RNF24: variants seen among roughly 807,000 people sequenced by gnomAD.
The protein encoded by RNF24 is ring finger protein 24.
RNF24 carries 14 observed loss-of-function variants against 20.0 expected under a neutral mutation model. The observed-to-expected ratio is 0.70, with a 90% CI of 0.46 to 1.10. The LOEUF (loss-of-function observed/expected upper bound fraction) is 1.10. RNF24 is among the 50% of genes least tolerant of loss of function. RNF24 has a pLI of 0.00. For missense variants in RNF24, 124 were observed against 177.6 expected, an observed-to-expected ratio of 0.70 and a Z score of 1.71; for synonymous variants, 45 against 61.1, an observed-to-expected ratio of 0.74 and a Z score of 1.23.
chr20:3,951,175 T>G (rs907444307), intron 2 of RNF24, among the ~76,000 whole-genome samples: 12 of 152,206 alleles, frequency 7.9e-5, no homozygotes, highest in Non-Finnish European at 1.3e-4. Flanking sequence ...GCCAGGATGG[T>G]CTCAATCTCC....
intron 1 of RNF24, among the ~76,000 whole-genome samples, chr20:3,977,826 T>C (rs1979008179): frequency 7.1e-6 from 1 of 139,976 alleles, no homozygotes; most frequent in Non-Finnish European, 1.5e-5. Context: ...ATTGCGCCAC[T>C]GCACTCCAGC....
At chr20:3,943,301 ATTTT>A (rs562360151) in intron 4 of RNF24, among the ~76,000 whole-genome samples, 1 of 145,596 alleles carries the variant, frequency 6.9e-6, no homozygotes. Context: ...TCCCAGCAGG[ATTTT>A]TTTTTTTTTT....
At position 3,943,796 on chromosome 20, in the gene RNF24, G is replaced by GT. The variant is rs537660670; in HGVS notation, c.228+1380dup. On this transcript the variant is annotated intron_variant, in intron 4 of 5. Transcript: ENST00000358395. ...AAGACTTCTGTTCTGGATTAATCTG[G>GT]TAAAAATTTAATCTTTTCATTTACG... Among the ~76,000 whole-genome samples the GT allele has an allele frequency of 3.9e-5, 6 of 152,220 alleles. No individual in the cohort carries two copies. The South Asian group carries it at 1.2e-3, about 32-fold the overall frequency.
intron 4 of RNF24, among the ~76,000 whole-genome samples, chr20:3,941,114 G>A (rs992645051): frequency 1.3e-5 from 2 of 152,046 alleles, no homozygotes; most frequent in African/African-American, 4.8e-5. Context: ...CTGTAGCGTC[G>A]ACCTCCCAGG....
chr20:3,995,933 G>T (rs1980828338), intron 1 of RNF24, among the ~76,000 whole-genome samples: 1 of 151,922 alleles, frequency 6.6e-6, no homozygotes, highest in Admixed American at 6.6e-5. Context: ...AGCCCTGAAA[G>T]CTCTCTTTCC....
At chr20:3,980,482 A>G (rs1385180591) in intron 1 of RNF24, among the ~76,000 whole-genome samples, 1 of 152,194 alleles carries the variant, frequency 6.6e-6, no homozygotes, top group African/African-American at 2.4e-5. Flanking sequence ...ATTTCATTAC[A>G]CTACTCAGAA....
At chr20:4,005,945 A>C (rs1478192837) in intron 1 of RNF24, among the ~76,000 whole-genome samples, 1 of 152,236 alleles carries the variant, frequency 6.6e-6, no homozygotes, top group African/African-American at 2.4e-5. Context: ...GCTGTCAATT[A>C]AACAATTATG....
rs573279617 is a variant in RNF24, at chr20:3,972,660, GA to G, written c.-7-8637del. On this transcript the variant is annotated intron_variant, in intron 1 of 5. Transcript: ENST00000358395. ...TAACGCTTATAATCCCAGCACTGTG[GA>G]GGGCCGAGGCGGGCAGATCACCTGA... Among the ~76,000 whole-genome samples, 510 of 152,268 alleles carry G rather than the reference GA, an allele frequency of 3.3e-3. 3 individuals are homozygous for G. Among genetic ancestry groups the G allele is most frequent in the African/African-American group, 0.011 (465 of 41,556 alleles).
Position 3,982,103 on chromosome 20 carries a change from G to GTCTCTCTCTCTCTCTCTCTCTCTC in RNF24, c.-7-18103_-7-18080dup, listed in dbSNP as rs34868373. On this transcript the variant is annotated intron_variant, in intron 1 of 5. Transcript: ENST00000358395. ...AGCCTGGGCAACAGGGTGAGACCTC[G>GTCTCTCTCTCTCTCTCTCTCTCTC]TCTCTCTCTCTCTCTCTCTCTCTCT... is the stretch of plus-strand genomic sequence containing the variant. Among the ~76,000 whole-genome samples the GTCTCTCTCTCTCTCTCTCTCTCTC allele has an allele frequency of 3.2e-3, 432 of 137,084 alleles. 7 individuals are homozygous for GTCTCTCTCTCTCTCTCTCTCTCTC. Among genetic ancestry groups the GTCTCTCTCTCTCTCTCTCTCTCTC allele is most frequent in the Admixed American group, 7.7e-3 (105 of 13,690 alleles). The allele number at this position is 137,084 out of a possible 152,430, so 89.9% of individuals were successfully genotyped here.
At chr20:3,947,404 A>G (rs2091031891) in intron 3 of RNF24, among the ~76,000 whole-genome samples, 1 of 152,238 alleles carries the variant, frequency 6.6e-6, no homozygotes, top group African/African-American at 2.4e-5. Flanking sequence ...GGCCTTTGAG[A>G]AAAGATAAGT....
In RNF24 at chr20:3,929,256, T is replaced by TA. The variant is rs1203790894; in HGVS notation, c.*4806dup. The TA allele has an allele frequency of 6.6e-6, 1 of 152,212 alleles. No individual in the cohort carries two copies. Among genetic ancestry groups the TA allele is most frequent in the African/African-American group, 2.4e-5 (1 of 41,438 alleles). 9.4% of individuals were successfully genotyped at this position (152,212 alleles called of 1,614,324 possible). A position where few individuals can be genotyped will look rare whatever the true frequency, so the allele number is the denominator to read the frequency against. On this transcript the variant is annotated 3_prime_UTR_variant, in exon 6 of 6. Transcript: ENST00000358395. Reference sequence around the variant, plus strand: ...TCTACAAAAAAATAATTACGAAAATTAGCCAGGTGTGCTGGTGTGCACCTG... The same window carrying TA: ...TCTACAAAAAAATAATTACGAAAATTAAGCCAGGTGTGCTGGTGTGCACCTG...
intron 4 of RNF24, among the ~76,000 whole-genome samples, chr20:3,941,541 G>T (rs565387399): frequency 6.6e-6 from 1 of 151,828 alleles, no homozygotes; most frequent in African/African-American, 2.4e-5. Context: ...ACTAAAAAAT[G>T]TTCTAATAAC....
intron 1 of RNF24, among the ~76,000 whole-genome samples, chr20:4,013,630 C>G (rs533433244): frequency 2.0e-5 from 3 of 152,130 alleles, no homozygotes; most frequent in African/African-American, 7.2e-5. Flanking sequence ...TACAGGCGCT[C>G]GCCACCATGC....
rs2090777484 is a variant in RNF24 at position 3,929,062 on chromosome 20, G to C, written c.*5001C>G. ...GGGTTTCACCATATTGGTCAGGCTG[G>C]TCTTGAACTCTTGACCTAAGGTGAT... On this transcript the variant is annotated 3_prime_UTR_variant, in exon 6 of 6. Coordinates refer to ENST00000358395, the MANE Select transcript of RNF24 (RefSeq NM_001134337.3). 1.3e-5 allele frequency: 2 copies of C among 152,112 alleles called. No homozygotes were observed. The highest frequency in any genetic ancestry group is 4.8e-5 in the African/African-American group (2 of 41,408). The allele number at this position is 152,112 out of a possible 1,614,324, so 9.4% of individuals were successfully genotyped here. A position where few individuals can be genotyped will look rare whatever the true frequency, so the allele number is the denominator to read the frequency against.
rs73580276 is a variant in RNF24, at chr20:3,947,246, T to A, written c.186+991A>T. Among the ~76,000 whole-genome samples, 759 of 152,264 alleles carry A rather than the reference T, an allele frequency of 5.0e-3. 2 individuals carry two copies. The highest frequency in any genetic ancestry group is 0.017 in the African/African-American group (699 of 41,550). On this transcript the variant is annotated intron_variant, in intron 3 of 5. Coordinates refer to ENST00000358395, the MANE Select transcript of RNF24 (RefSeq NM_001134337.3). ...TCTGAAGTGTTACAGTTCCATAACA[T>A]CAGCGTCAGCAAGGTTAAAGACTCA...
intron 1 of RNF24, among the ~76,000 whole-genome samples, chr20:3,993,418 G>A (rs1336998219): frequency 6.6e-6 from 1 of 152,062 alleles, no homozygotes; most frequent in Non-Finnish European, 1.5e-5. Flanking sequence ...CTCCCGAGTA[G>A]CTGGATTACA....
chr20:3,951,175 T>TCTCAATCTCCTGAC (rs1262394485), intron 2 of RNF24, among the ~76,000 whole-genome samples: 18 of 152,206 alleles, frequency 1.2e-4, no homozygotes, highest in Non-Finnish European at 2.2e-4. Flanking sequence ...GCCAGGATGG[T>TCTCAATCTCCTGAC]CTCAATCTCC....
intron 1 of RNF24, chr20:3,974,440 T>C: frequency 6.7e-7 from 1 of 1,503,452 alleles, no homozygotes; most frequent in Non-Finnish European, 8.9e-7. Context: ...ATAAAAGGCA[T>C]ACACATCAGA....
intron 2 of RNF24, among the ~76,000 whole-genome samples, chr20:3,960,239 G>C (rs2091186905): frequency 6.6e-6 from 1 of 152,094 alleles, no homozygotes; most frequent in Admixed American, 6.5e-5. Context: ...AAATGAGCTA[G>C]GGTAATTCTG....
Sources: allele counts gnomAD v4.1 joint callset (sites outside exome capture counted in the v4.1 genomes callset), GRCh38; gene constraint gnomAD v4.1.1; transcripts MANE v1.5; gene names NCBI Gene and HGNC (gene_info 2026-07-23, HGNC 2026-07-21).